Variants in UNC5D observed in about 807,000 individuals in gnomAD.
UNC5D encodes the protein unc-5 netrin receptor D.
In UNC5D, 39 loss-of-function variants were observed where a neutral mutation model predicts 105.4. The ratio of observed to expected loss-of-function variants is 0.37; its 90% confidence interval spans 0.29 to 0.48. The LOEUF is 0.48. UNC5D is among the 20% of genes least tolerant of loss of function. The pLI, the probability that UNC5D is intolerant of heterozygous loss-of-function variation, is 0.98. For synonymous variants in UNC5D, 452 were observed against 450.4 expected (o/e 1.00, Z -0.04); for missense variants, 991 against 1,202.4 (o/e 0.82, Z 2.60).
rs568583712 is a variant in UNC5D, at chr8:35,601,638, C to T, written c.570+5981C>T. ...TGTATAAGAATGCTTGTGATTTTTGCGCATTGATTTTGTATCCTGAGACTT... is the reference window on the plus strand; with the variant it reads ...TGTATAAGAATGCTTGTGATTTTTGTGCATTGATTTTGTATCCTGAGACTT... On this transcript the variant is annotated intron_variant, in intron 4 of 16. Transcript: ENST00000404895. 6.6e-3 allele frequency among the ~76,000 whole-genome samples: 1,007 copies of T among 152,126 alleles called. 5 individuals are homozygous for T. The highest frequency in any genetic ancestry group is 0.02 in the African/African-American group (843 of 41,500).
chr8:35,270,779 T>C (rs1174584309), intron 1 of UNC5D, among the ~76,000 whole-genome samples: 2 of 152,160 alleles, frequency 1.3e-5, no homozygotes, highest in African/African-American at 4.8e-5. Context: ...ATCATGGCCG[T>C]TTAAAACAGT....
chr8:35,643,952 A>G (rs939815414), intron 4 of UNC5D, among the ~76,000 whole-genome samples: 3 of 152,096 alleles, frequency 2.0e-5, no homozygotes, highest in African/African-American at 7.2e-5. Flanking sequence ...CATTTTCCCC[A>G]TAATACTTAC....
chr8:35,724,871 T>G (rs985461065), intron 9 of UNC5D, among the ~76,000 whole-genome samples: 1 of 152,168 alleles, frequency 6.6e-6, no homozygotes, highest in African/African-American at 2.4e-5. Context: ...AAGAACTCAG[T>G]GCAGACCTGC....
intron 1 of UNC5D, chr8:35,525,160 C>T: frequency 6.2e-7 from 1 of 1,609,038 alleles, no homozygotes; most frequent in Non-Finnish European, 8.5e-7. Context: ...TGGAAGAGTC[C>T]TCCATGTGTA....
chr8:35,605,053 C>A (rs373190956), intron 4 of UNC5D, among the ~76,000 whole-genome samples: 3 of 152,200 alleles, frequency 2.0e-5, no homozygotes, highest in Non-Finnish European at 4.4e-5. Context: ...TCGTTAAAGT[C>A]ATTCTCCGTC....
intron 4 of UNC5D, among the ~76,000 whole-genome samples, chr8:35,651,273 G>C (rs1823387088): frequency 1.3e-5 from 2 of 152,150 alleles, no homozygotes; most frequent in Non-Finnish European, 2.9e-5. Flanking sequence ...TAAATACAGG[G>C]AACTAAAGGA....
At chr8:35,782,532 C>T (rs1802551446) in intron 16 of UNC5D, among the ~76,000 whole-genome samples, 3 of 141,748 alleles carry the variant, frequency 2.1e-5, no homozygotes, top group Admixed American at 1.4e-4. Flanking sequence ...GAGACGGAGT[C>T]TCACCCTGTC....
intron 1 of UNC5D, among the ~76,000 whole-genome samples, chr8:35,495,336 G>C (rs1342300263): frequency 1.3e-5 from 2 of 151,602 alleles, no homozygotes; most frequent in African/African-American, 4.8e-5. Context: ...CATAGGAAGA[G>C]AGCCTTGATT....
At chr8:35,547,900 G>A (rs185401670) in intron 1 of UNC5D, among the ~76,000 whole-genome samples, 21 of 152,284 alleles carry the variant, frequency 1.4e-4, no homozygotes, top group Admixed American at 6.5e-4. Context: ...ACAATAGGCC[G>A]TCTGCAAGCT....
chr8:35,549,623 A>C, intron 2 of UNC5D, 113 bp downstream of exon 2: 32 of 963,028 alleles, frequency 3.3e-5, no homozygotes, highest in Non-Finnish European at 4.3e-5. Flanking sequence ...GAATGAGGTC[A>C]TAGTTACATC....
intron 4 of UNC5D, among the ~76,000 whole-genome samples, chr8:35,637,930 C>T (rs1280989387): frequency 2.6e-5 from 4 of 152,022 alleles, no homozygotes; most frequent in Non-Finnish European, 5.9e-5. Context: ...CATGATAGAC[C>T]AGGTCAGTCT....
intron 11 of UNC5D, among the ~76,000 whole-genome samples, chr8:35,736,557 A>G (rs1829479253): frequency 6.6e-6 from 1 of 152,238 alleles, no homozygotes; most frequent in Admixed American, 6.5e-5. Flanking sequence ...TATATTTCAT[A>G]CCATAATAGG....
At chr8:35,336,791 GTT>G (rs11404669) in intron 1 of UNC5D, among the ~76,000 whole-genome samples, 1 of 147,614 alleles carries the variant, frequency 6.8e-6, no homozygotes, top group African/African-American at 2.5e-5. Context: ...AGGAAATAGT[GTT>G]TTTTTTTTTT....
chr8:35,364,050 A>G (rs562101033), intron 1 of UNC5D, among the ~76,000 whole-genome samples: 2 of 152,174 alleles, frequency 1.3e-5, no homozygotes, highest in African/African-American at 4.8e-5. Flanking sequence ...CAGGCGTCTC[A>G]GGCCTCCAAG....
At chr8:35,510,510 A>G (rs535708942) in intron 1 of UNC5D, among the ~76,000 whole-genome samples, 2 of 152,220 alleles carry the variant, frequency 1.3e-5, no homozygotes, top group South Asian at 4.2e-4. Flanking sequence ...TTTTTTAGCG[A>G]CAATAAGGCT....
At chr8:35,469,008 T>C (rs1461178968) in intron 1 of UNC5D, among the ~76,000 whole-genome samples, 6 of 152,120 alleles carry the variant, frequency 3.9e-5, no homozygotes, top group Non-Finnish European at 7.3e-5. Flanking sequence ...ATTCGTGCCA[T>C]GTGGAGGTGG....
chr8:35,419,793 G>C (rs1029919853), intron 1 of UNC5D, among the ~76,000 whole-genome samples: 2 of 152,176 alleles, frequency 1.3e-5, no homozygotes, highest in East Asian at 1.9e-4. Flanking sequence ...CATTCAGCAG[G>C]CTCCAGGTTC....
chr8:35,290,816 T>C (rs1807005008), intron 1 of UNC5D, among the ~76,000 whole-genome samples: 1 of 151,716 alleles, frequency 6.6e-6, no homozygotes. Context: ...GGTGTGGTAG[T>C]GCGTGCCTGT....
At chr8:35,597,821 G>A (rs1430263724) in intron 4 of UNC5D, among the ~76,000 whole-genome samples, 1 of 152,114 alleles carries the variant, frequency 6.6e-6, no homozygotes, top group African/African-American at 2.4e-5. Context: ...CCATTTAAGG[G>A]CTCTGTTCAA....
Sources: allele counts gnomAD v4.1 joint callset (sites outside exome capture counted in the v4.1 genomes callset), GRCh38; gene constraint gnomAD v4.1.1; transcripts MANE v1.5; gene names NCBI Gene and HGNC (gene_info 2026-07-23, HGNC 2026-07-21).